The following DENND5B variants were observed in gnomAD, a reference collection of about 807,000 sequenced individuals.
DENND5B encodes DENN domain-containing protein 5B.
Under a neutral mutation model 140.6 loss-of-function variants are expected in DENND5B, and 34 were observed. The observed-to-expected ratio is 0.24, with a 90% CI of 0.18 to 0.32. The LOEUF is 0.32. Among genes scored for constraint, DENND5B ranks in the 10% least tolerant of loss-of-function variants. DENND5B has a pLI of 1.00. For missense variants in DENND5B, 1,142 were observed against 1,560.2 expected (o/e 0.73, Z 4.52); for synonymous variants, 551 against 562.1 (o/e 0.98, Z 0.28).
At chr12:31,400,494 T>C (rs1449670681) in intron 15 of DENND5B, among the ~76,000 whole-genome samples, 2 of 152,216 alleles carry the variant, frequency 1.3e-5, no homozygotes, top group East Asian at 3.8e-4. Flanking sequence ...AATCTGATAA[T>C]GAAAAGATCA....
chr12:31,578,340 G>C (rs1950096289), intron 1 of DENND5B, among the ~76,000 whole-genome samples: 1 of 152,138 alleles, frequency 6.6e-6, no homozygotes, highest in African/African-American at 2.4e-5. Context: ...ACTCCCATGG[G>C]TGTCCTCAGA....
At chr12:31,535,781 T>C (rs935887447) in intron 1 of DENND5B, among the ~76,000 whole-genome samples, 6 of 152,154 alleles carry the variant, frequency 3.9e-5, no homozygotes, top group Non-Finnish European at 7.3e-5. Context: ...CAGGAAAACA[T>C]GACCTCACCA....
At chr12:31,428,750 G>C (rs1423998912) in intron 8 of DENND5B, among the ~76,000 whole-genome samples, 3 of 151,864 alleles carry the variant, frequency 2.0e-5, no homozygotes, top group Non-Finnish European at 4.4e-5. Flanking sequence ...ATTTATTTTT[G>C]AGACGGAGTC....
chr12:31,550,197 A>C (rs1261823205), intron 1 of DENND5B, among the ~76,000 whole-genome samples: 1 of 139,524 alleles, frequency 7.2e-6, no homozygotes, highest in Non-Finnish European at 1.6e-5. Flanking sequence ...TATATCTCCT[A>C]ATGCTATCCC....
intron 19 of DENND5B, 64 bp from the exon 20 acceptor site, chr12:31,389,562 T>C: frequency 6.9e-7 from 1 of 1,445,944 alleles, no homozygotes; most frequent in Non-Finnish European, 9.4e-7. Context: ...GAAAGATTCA[T>C]CACTTAATTT....
At chr12:31,431,279 G>T in intron 8 of DENND5B, among the ~76,000 whole-genome samples, 1 of 152,158 alleles carries the variant, frequency 6.6e-6, no homozygotes, top group South Asian at 2.1e-4. Context: ...TTACAAGTTG[G>T]TGTTCAACTT....
chr12:31,585,836 C>T (rs1370684220), intron 1 of DENND5B, among the ~76,000 whole-genome samples: 1 of 152,188 alleles, frequency 6.6e-6, no homozygotes, highest in East Asian at 1.9e-4. Flanking sequence ...AGGAAAAGAT[C>T]TAAACAAAGT....
chr12:31,570,401 C>G (rs1949778399), intron 1 of DENND5B, among the ~76,000 whole-genome samples: 1 of 151,030 alleles, frequency 6.6e-6, no homozygotes, highest in African/African-American at 2.4e-5. Flanking sequence ...GCCTCAGCCT[C>G]CCGAGTGGCT....
chr12:31,581,693 C>CA (rs139320385), intron 1 of DENND5B, among the ~76,000 whole-genome samples: 59,435 of 118,966 alleles, frequency 0.5, 15,278 homozygotes, highest in Admixed American at 0.61. Context: ...AACTCTGTCT[C>CA]AAAAAAAAAA....
chr12:31,438,654 A>C (rs1275710676), intron 7 of DENND5B, among the ~76,000 whole-genome samples: 2 of 152,198 alleles, frequency 1.3e-5, no homozygotes, highest in African/African-American at 4.8e-5. Context: ...AGATCTTTAA[A>C]GGGGAAGAAT....
intron 1 of DENND5B, chr12:31,499,736 G>T: frequency 7.8e-7 from 1 of 1,280,976 alleles, no homozygotes; most frequent in South Asian, 1.9e-5. Flanking sequence ...AAGCAAAAAT[G>T]ACTTTGAAGA....
intron 1 of DENND5B, chr12:31,590,028 A>C (rs1169326169): frequency 6.6e-6 from 1 of 152,336 alleles, no homozygotes; most frequent in Non-Finnish European, 1.5e-5. Context: ...GGAACAGTGT[A>C]GGCAGTGTCA....
At chr12:31,404,585 C>A (rs1346988578) in intron 14 of DENND5B, among the ~76,000 whole-genome samples, 1 of 151,946 alleles carries the variant, frequency 6.6e-6, no homozygotes, top group Non-Finnish European at 1.5e-5. Context: ...TCCCAAGTAG[C>A]TGGGATTACA....
At chr12:31,447,839 A>T (rs1444533937) in intron 5 of DENND5B, 70 bp from the exon 6 acceptor site, 1 of 1,078,988 alleles carries the variant, frequency 9.3e-7, no homozygotes, top group Non-Finnish European at 1.3e-6. Context: ...AAGCCTGAAA[A>T]TTATGTTAAC....
At chr12:31,487,649 C>T (rs1946363023) in intron 2 of DENND5B, among the ~76,000 whole-genome samples, 2 of 152,118 alleles carry the variant, frequency 1.3e-5, no homozygotes, top group South Asian at 4.1e-4. Flanking sequence ...TTGCAGTGAG[C>T]CAAGACTGCA....
chr12:31,556,535 T>C (rs1015162775), intron 1 of DENND5B, among the ~76,000 whole-genome samples: 1 of 152,192 alleles, frequency 6.6e-6, no homozygotes, highest in African/African-American at 2.4e-5. Flanking sequence ...AAGAGAACTT[T>C]ATGACATCTG....
intron 1 of DENND5B, among the ~76,000 whole-genome samples, chr12:31,587,677 A>C (rs1950446229): frequency 6.6e-6 from 1 of 151,784 alleles, no homozygotes; most frequent in Non-Finnish European, 1.5e-5. Context: ...CCTCCAGAGT[A>C]ACTGGGATAT....
intron 7 of DENND5B, among the ~76,000 whole-genome samples, chr12:31,438,765 A>G (rs1359295233): frequency 1.3e-5 from 2 of 152,172 alleles, no homozygotes; most frequent in Non-Finnish European, 2.9e-5. Flanking sequence ...AGTATAACAC[A>G]AAGTTTGCTC....
Position 31,389,334 on chromosome 12 carries a change from G to A in DENND5B, c.3631C>T (p.Leu1211Phe), listed in dbSNP as rs559061851. The part of the protein sequence containing the change: ...KDGKFQILVC[L>F]GTRDRLLPQW... ...AAACTGGTTTTGTACCTTGTTCCAA[G>A]GCAAACTAAAATCTGGAATTTGCCA... The change falls in exon 20 of 21, where the codon CTT becomes TTT. Residue 1211 changes from leucine to phenylalanine, a missense_variant. Leu to Phe is a conservative substitution (Grantham distance 22). Transcript: ENST00000389082. 3 of 1,612,278 alleles carry A rather than the reference G, an allele frequency of 1.9e-6. No individual in the cohort carries two copies. The South Asian group carries it at 3.3e-5, about 18-fold the overall frequency.
Sources: allele counts gnomAD v4.1 joint callset (sites outside exome capture counted in the v4.1 genomes callset), GRCh38; gene constraint gnomAD v4.1.1; transcripts MANE v1.5; gene names NCBI Gene and HGNC (gene_info 2026-07-23, HGNC 2026-07-21).